Variants in TTC28 observed in about 807,000 individuals in gnomAD.
TTC28 encodes tetratricopeptide repeat protein 28.
TTC28 carries 61 observed loss-of-function variants against 198.0 expected under a neutral mutation model. The ratio of observed to expected loss-of-function variants is 0.31; its 90% CI spans 0.25 to 0.38. The LOEUF (loss-of-function observed/expected upper bound fraction) is 0.38. TTC28 is among the 10% of genes least tolerant of loss of function. The pLI, the probability that TTC28 is intolerant of heterozygous loss-of-function variation, is 1.00. For missense variants in TTC28, 2,678 were observed against 3,164.0 expected (o/e 0.85, Z 3.69); for synonymous variants, 1,171 against 1,297.8 (o/e 0.90, Z 2.10).
chr22:28,361,323 C>T (rs575375898), intron 2 of TTC28, among the ~76,000 whole-genome samples: 6 of 152,252 alleles, frequency 3.9e-5, no homozygotes, highest in Non-Finnish European at 7.3e-5. Flanking sequence ...AAGTGCTACT[C>T]TGGTGAACAC....
intron 2 of TTC28, among the ~76,000 whole-genome samples, chr22:28,378,462 C>G (rs1329703187): frequency 6.6e-6 from 1 of 151,430 alleles, no homozygotes; most frequent in Non-Finnish European, 1.5e-5. Flanking sequence ...GAGTTTGAGA[C>G]CAGCCTGGGC....
At chr22:28,248,634 T>A (rs1930285859) in intron 5 of TTC28, among the ~76,000 whole-genome samples, 1 of 152,140 alleles carries the variant, frequency 6.6e-6, no homozygotes, top group Non-Finnish European at 1.5e-5. Context: ...ACACACCTAC[T>A]GAAGCCACAA....
chr22:28,145,433 T>C (rs1943448012), intron 6 of TTC28, among the ~76,000 whole-genome samples: 1 of 152,162 alleles, frequency 6.6e-6, no homozygotes, highest in Non-Finnish European at 1.5e-5. Flanking sequence ...TCTCTCCTTG[T>C]TGGTACCTAC....
intron 1 of TTC28, among the ~76,000 whole-genome samples, chr22:28,650,447 A>G (rs1328886009): frequency 6.6e-6 from 1 of 152,214 alleles, no homozygotes; most frequent in East Asian, 1.9e-4. Flanking sequence ...CACTGAAGAT[A>G]CCCAGTAATC....
chr22:28,632,497 G>C (rs2051194254), intron 1 of TTC28, among the ~76,000 whole-genome samples: 1 of 151,596 alleles, frequency 6.6e-6, no homozygotes, highest in East Asian at 1.9e-4. Context: ...AAAAAATTAT[G>C]ATCATGAAAC....
intron 5 of TTC28, among the ~76,000 whole-genome samples, chr22:28,209,545 C>G (rs1012143096): frequency 6.6e-6 from 1 of 152,200 alleles, no homozygotes; most frequent in African/African-American, 2.4e-5. Context: ...ACTGCTAGCA[C>G]AGCAGTCTGA....
chr22:28,355,977 A>C (rs1298919598), intron 2 of TTC28, among the ~76,000 whole-genome samples: 1 of 152,252 alleles, frequency 6.6e-6, no homozygotes, highest in Non-Finnish European at 1.5e-5. Flanking sequence ...AAAGAATAGA[A>C]TCTAAGGCAC....
chr22:28,096,503 T>C, intron 10 of TTC28, 95 bp from the exon 11 acceptor site: 1 of 1,258,772 alleles, frequency 7.9e-7, no homozygotes, highest in Non-Finnish European at 1.1e-6. Flanking sequence ...GGCAGAAACC[T>C]CACTGCCTCT....
Position 28,514,077 on chromosome 22 carries a change from A to T in TTC28, c.381+115475T>A, listed in dbSNP as rs572159186. ...TAAGGACACTGATTTGCTAATAAAA[A>T]TTTAAGAGTAAAATAACTGGCTACT... On this transcript the variant is annotated intron_variant, in intron 2 of 22. Coordinates refer to ENST00000397906, the MANE Select transcript of TTC28 (RefSeq NM_001145418.2). 3.9e-5 allele frequency among the ~76,000 whole-genome samples: 6 copies of T among 152,296 alleles called. No homozygotes were observed. The East Asian group carries it at 1.2e-3, about 29-fold the overall frequency.
At chr22:28,113,414 A>T (rs1942543587) in intron 6 of TTC28, among the ~76,000 whole-genome samples, 1 of 152,224 alleles carries the variant, frequency 6.6e-6, no homozygotes, top group African/African-American at 2.4e-5. Context: ...GGAACTGGAA[A>T]AGGCCCTCCC....
rs971568378 is a variant in TTC28 at position 28,458,274 on chromosome 22, AAAAAT to A, written c.382-151636_382-151632del. Reference sequence around the variant, plus strand: ...AACATCTGAGGATTTCTACAGATACAAAAATAAAATAAAACAGATAAAGTAATAAA... The same window carrying A: ...AACATCTGAGGATTTCTACAGATACAAAAATAAAACAGATAAAGTAATAAA... On this transcript the variant is annotated intron_variant, in intron 2 of 22. Transcript: ENST00000397906. Among the ~76,000 whole-genome samples, 4 of 152,216 alleles carry A rather than the reference AAAAAT, an allele frequency of 2.6e-5. No individual in the cohort carries two copies. In the East Asian group the frequency reaches 7.7e-4, roughly 29 times the overall value.
intron 2 of TTC28, among the ~76,000 whole-genome samples, chr22:28,602,600 A>T (rs1357177961): frequency 6.6e-6 from 1 of 152,226 alleles, no homozygotes; most frequent in East Asian, 1.9e-4. Context: ...AATGTTAACA[A>T]CTGGGGGATC....
At chr22:28,621,240 ATCT>A (rs2050989828) in intron 2 of TTC28, among the ~76,000 whole-genome samples, 1 of 152,244 alleles carries the variant, frequency 6.6e-6, no homozygotes, top group Non-Finnish European at 1.5e-5. Flanking sequence ...CTGGAGCAGA[ATCT>A]TGACTATCAA....
At chr22:28,057,263 A>G (rs1940326989) in intron 12 of TTC28, among the ~76,000 whole-genome samples, 1 of 152,190 alleles carries the variant, frequency 6.6e-6, no homozygotes, top group South Asian at 2.1e-4. Context: ...ATACATAAGC[A>G]TTTTAGTAAC....
intron 2 of TTC28, among the ~76,000 whole-genome samples, chr22:28,421,358 A>G (rs1021956494): frequency 1.3e-5 from 2 of 152,244 alleles, no homozygotes; most frequent in Non-Finnish European, 2.9e-5. Flanking sequence ...AACAAAGTGA[A>G]ATCTTTACAA....
chr22:27,984,135 G>A (rs1937123997), intron 22 of TTC28, among the ~76,000 whole-genome samples: 1 of 152,110 alleles, frequency 6.6e-6, no homozygotes, highest in Non-Finnish European at 1.5e-5. Context: ...AGGGTAAGCA[G>A]CATGACCCTG....
intron 12 of TTC28, among the ~76,000 whole-genome samples, chr22:28,072,831 G>A (rs1941043639): frequency 6.6e-6 from 1 of 152,212 alleles, no homozygotes; most frequent in South Asian, 2.1e-4. Flanking sequence ...GAGATAGAGT[G>A]GGACACACAA....
intron 2 of TTC28, among the ~76,000 whole-genome samples, chr22:28,544,419 T>A (rs1389281395): frequency 6.6e-6 from 1 of 152,134 alleles, no homozygotes; most frequent in Non-Finnish European, 1.5e-5. Flanking sequence ...TTTTAACAAG[T>A]CTCATCAAAC....
At chr22:28,297,971 G>GT in intron 3 of TTC28, 119 bp from the exon 4 acceptor site, 1 of 1,173,934 alleles carries the variant, frequency 8.5e-7, no homozygotes. Flanking sequence ...CTTATTTCAA[G>GT]TATAAACTCT....
Sources: allele counts gnomAD v4.1 joint callset (sites outside exome capture counted in the v4.1 genomes callset), GRCh38; gene constraint gnomAD v4.1.1; transcripts MANE v1.5; gene names NCBI Gene and HGNC (gene_info 2026-07-23, HGNC 2026-07-21).